The following NEBL variants were observed in gnomAD, a reference collection of about 807,000 sequenced individuals.
The protein encoded by NEBL is nebulette, also known as LIM and SH3 protein 2.
A neutral mutation model predicts 140.2 loss-of-function variants in NEBL; 122 were observed. The observed-to-expected ratio is 0.87, with a 90% confidence interval of 0.75 to 1.01. The LOEUF (loss-of-function observed/expected upper bound fraction) is 1.01. Among genes scored for constraint, NEBL ranks in the 50% least tolerant of loss-of-function variants. The pLI is 0.00. For missense variants in NEBL, 1,365 were observed against 1,231.3 expected, an observed-to-expected ratio of 1.11 and a Z score of -1.62; for synonymous variants, 436 against 398.9, an observed-to-expected ratio of 1.09 and a Z score of -1.11.
At chr10:21,007,472 GAA>G (rs1838179353) in intron 3 of NEBL, among the ~76,000 whole-genome samples, 1 of 152,196 alleles carries the variant, frequency 6.6e-6, no homozygotes, top group Non-Finnish European at 1.5e-5. Flanking sequence ...CCACCTGTCA[GAA>G]AAGTGTCTTG....
intron 2 of NEBL, chr10:21,146,487 T>C (rs1407888937): frequency 6.2e-7 from 1 of 1,613,420 alleles, no homozygotes; most frequent in South Asian, 1.1e-5. Context: ...ATAGAGTAGA[T>C]TCTTCTTTCA....
intron 2 of NEBL, among the ~76,000 whole-genome samples, chr10:20,893,680 G>A (rs1177063925): frequency 6.6e-6 from 1 of 152,144 alleles, no homozygotes; most frequent in East Asian, 1.9e-4. Flanking sequence ...TCTGACAAGG[G>A]GATGATATAG....
rs1222281811 is a variant in NEBL, at chr10:20,859,436, AC to A, written c.798+276del. Among the ~76,000 whole-genome samples the A allele has an allele frequency of 5.3e-5, 8 of 152,166 alleles. No homozygotes were observed. The East Asian group carries it at 1.5e-3, about 29-fold the overall frequency. ...CCACTAATTTGTGTTAATACAGACC[AC>A]TTCTCTGCAAAATTCTATAATCTAT... is the stretch of plus-strand genomic sequence containing the variant. On this transcript the variant is annotated intron_variant, in intron 8 of 27. Transcript: ENST00000377122.
intron 2 of NEBL, among the ~76,000 whole-genome samples, chr10:21,101,621 T>G (rs1837480828): frequency 6.6e-6 from 1 of 152,180 alleles, no homozygotes; most frequent in South Asian, 2.1e-4. Context: ...TCCACCTTGT[T>G]TAAGCCACTG....
intron 2 of NEBL, among the ~76,000 whole-genome samples, chr10:21,152,111 G>A (rs1726226): frequency 0.47 from 71,155 of 151,948 alleles, 18,578 homozygotes; most frequent in East Asian, 0.71. Flanking sequence ...TCCGCTATCC[G>A]GAAATGGGAC....
intron 4 of NEBL, among the ~76,000 whole-genome samples, chr10:20,954,322 G>A (rs1835673241): frequency 6.6e-6 from 1 of 152,170 alleles, no homozygotes; most frequent in African/African-American, 2.4e-5. Flanking sequence ...TGACACAAAT[G>A]GTCGATACAT....
intron 1 of NEBL, among the ~76,000 whole-genome samples, chr10:21,274,627 T>G (rs1195496546): frequency 6.6e-6 from 1 of 152,076 alleles, no homozygotes; most frequent in Non-Finnish European, 1.5e-5. Context: ...GGTTTCATCA[T>G]GTTGGCCAGC....
chr10:20,832,640 A>C (rs7080172), intron 14 of NEBL, among the ~76,000 whole-genome samples: 11,064 of 152,244 alleles, frequency 0.073, 1,302 homozygotes, highest in African/African-American at 0.25. Context: ...TAGCCAATTA[A>C]ATTTGCTTTA....
rs562724689 is a variant in NEBL, at chr10:21,110,000, T to C, written c.164+62383A>G. 1.1e-3 allele frequency among the ~76,000 whole-genome samples: 160 copies of C among 152,280 alleles called. 1 individual carries two copies. The highest frequency in any genetic ancestry group is 3.4e-3 in the Middle Eastern group (1 of 294). On this transcript the variant is annotated intron_variant, in intron 2 of 6. Transcript: ENST00000417816. ...TTGAGGGGTTTTTCATGCCTCTATC[T>C]CCTTCACTTCTGCTTTGAGCTTAGT...
chr10:21,281,546 G>T (rs1371738704), intron 1 of NEBL, among the ~76,000 whole-genome samples: 1 of 151,596 alleles, frequency 6.6e-6, no homozygotes, highest in Non-Finnish European at 1.5e-5. Context: ...ATGAAATGGG[G>T]TAAAATGTGC....
chr10:21,193,068 G>T (rs1841598761), intron 3 of NEBL, among the ~76,000 whole-genome samples: 1 of 152,148 alleles, frequency 6.6e-6, no homozygotes, highest in Non-Finnish European at 1.5e-5. Context: ...ACAGAGCACT[G>T]CAGACAGAGG....
intron 2 of NEBL, among the ~76,000 whole-genome samples, chr10:21,067,123 C>T (rs1835598753): frequency 6.6e-6 from 1 of 151,848 alleles, no homozygotes; most frequent in Non-Finnish European, 1.5e-5. Context: ...CAGGCGCCCG[C>T]CACCACGCCC....
upstream of NEBL, among the ~76,000 whole-genome samples, chr10:20,898,613 C>T (rs1276751057): frequency 1.3e-5 from 2 of 152,094 alleles, no homozygotes; most frequent in Non-Finnish European, 2.9e-5. Flanking sequence ...TTTGGGAAAT[C>T]TGTACCCCAG....
chr10:21,017,984 C>T (rs145311587), intron 3 of NEBL, among the ~76,000 whole-genome samples: 2 of 152,220 alleles, frequency 1.3e-5, no homozygotes, highest in African/African-American at 4.8e-5. Flanking sequence ...CCACTCCCAG[C>T]TAATTTTTGT....
At chr10:21,140,726 T>C (rs1700751951) in intron 2 of NEBL, among the ~76,000 whole-genome samples, 1 of 152,098 alleles carries the variant, frequency 6.6e-6, no homozygotes, top group African/African-American at 2.4e-5. Context: ...AATTTAAAAC[T>C]AATATGAATT....
chr10:21,221,681 T>G (rs1001540253), intron 3 of NEBL, among the ~76,000 whole-genome samples: 3 of 152,228 alleles, frequency 2.0e-5, no homozygotes, highest in Admixed American at 2.0e-4. Flanking sequence ...ATGTTTGTAT[T>G]TTTAGCAGAG....
In NEBL at chr10:20,885,981, T is replaced by G. The variant is rs77967318; in HGVS notation, c.369+2116A>C. 2.4e-3 allele frequency among the ~76,000 whole-genome samples: 367 copies of G among 152,306 alleles called. 12 individuals carry two copies. The East Asian group carries it at 0.054, about 22-fold the overall frequency. The stretch of plus-strand genomic sequence containing the variant: ...ATTTAAATGTGTAATAGTGAAACAC[T>G]TAAAGGTGTTCTGCAAAGAATAACT... On this transcript the variant is annotated intron_variant, in intron 4 of 27. Transcript: ENST00000377122.
At chr10:20,790,434 C>T (rs1431142618) in intron 26 of NEBL, among the ~76,000 whole-genome samples, 2 of 151,838 alleles carry the variant, frequency 1.3e-5, no homozygotes, top group Non-Finnish European at 2.9e-5. Context: ...GAAACCATCT[C>T]TACTAAAAAT....
chr10:21,004,222 A>G (rs1002167412), intron 3 of NEBL, among the ~76,000 whole-genome samples: 1 of 152,184 alleles, frequency 6.6e-6, no homozygotes, highest in African/African-American at 2.4e-5. Flanking sequence ...TGTTTGAAGA[A>G]GTTTCTTCTT....
Sources: allele counts gnomAD v4.1 joint callset (sites outside exome capture counted in the v4.1 genomes callset), GRCh38; gene constraint gnomAD v4.1.1; transcripts MANE v1.5; gene names NCBI Gene and HGNC (gene_info 2026-07-23, HGNC 2026-07-21).